Variants in TBC1D8 observed in about 807,000 individuals in gnomAD.
The protein encoded by TBC1D8 is TBC1 domain family member 8.
Under a neutral mutation model 118.8 loss-of-function variants are expected in TBC1D8, and 65 were observed. The ratio of observed to expected loss-of-function variants is 0.55; its 90% confidence interval spans 0.45 to 0.67. The LOEUF is 0.67. TBC1D8 is among the 30% of genes least tolerant of loss of function. TBC1D8 has a pLI of 0.00. For missense variants in TBC1D8, 1,376 were observed against 1,471.2 expected (o/e 0.94, Z 1.06); for synonymous variants, 566 against 595.8 (o/e 0.95, Z 0.73).
chr2:101,094,622 G>A (rs541089799), intron 1 of TBC1D8, among the ~76,000 whole-genome samples: 1 of 152,158 alleles, frequency 6.6e-6, no homozygotes, highest in Non-Finnish European at 1.5e-5. Flanking sequence ...TTTTTAACTG[G>A]AAAGAGTGGA....
intron 1 of TBC1D8, among the ~76,000 whole-genome samples, chr2:101,140,717 T>C (rs1471061658): frequency 8.5e-5 from 13 of 152,126 alleles, no homozygotes; most frequent in Admixed American, 8.5e-4. Flanking sequence ...GGATTATTTT[T>C]GTATCCACCT....
At chr2:101,061,863 G>A (rs888723109) in intron 2 of TBC1D8, among the ~76,000 whole-genome samples, 2 of 152,170 alleles carry the variant, frequency 1.3e-5, no homozygotes, top group African/African-American at 4.8e-5. Flanking sequence ...AATCAGGAAA[G>A]CTTATTTTAA....
intron 14 of TBC1D8, among the ~76,000 whole-genome samples, 184 bp downstream of exon 14, chr2:101,027,864 A>G (rs1401158605): frequency 2.0e-5 from 3 of 152,248 alleles, no homozygotes; most frequent in African/African-American, 7.2e-5. Flanking sequence ...AGTGTTGAGT[A>G]CACTCACCAC....
At chr2:101,038,742 G>A in intron 6 of TBC1D8, 87 bp from the exon 7 acceptor site, 1 of 1,430,714 alleles carries the variant, frequency 7.0e-7, no homozygotes, top group Non-Finnish European at 9.7e-7. Context: ...CGAAACAGAG[G>A]GCAAGGCACA....
rs751750245 is a variant in TBC1D8, at chr2:101,040,368, G to A, written c.890C>T (p.Ala297Val). ...GAAAGCCCGGAAGAACTCATTCTGT[G>A]CTCTGGCTTCCAGGTCCCTGGGGAA... The part of the protein sequence containing the change: ...QITKRDLEAR[A>V]QNEFFRAFFR... The change falls in exon 6 of 20, where the codon GCA becomes GTA. Residue 297 changes from alanine (A) to valine (V), a missense_variant. Coordinates refer to ENST00000409318, the MANE Select transcript of TBC1D8 (RefSeq NM_001330348.2). The A allele has an allele frequency of 1.6e-5, 25 of 1,600,986 alleles. No homozygotes were observed. The East Asian group carries it at 5.4e-4, about 35-fold the overall frequency.
intron 7 of TBC1D8, 99 bp downstream of exon 7, chr2:101,038,362 C>A (rs1399003787): frequency 1.5e-5 from 20 of 1,350,990 alleles, no homozygotes; most frequent in Non-Finnish European, 3.1e-6. Context: ...GCCCCGCATT[C>A]TTCTCATCCC....
intron 2 of TBC1D8, among the ~76,000 whole-genome samples, chr2:101,075,509 G>C (rs1250556753): frequency 6.6e-6 from 1 of 152,158 alleles, no homozygotes; most frequent in African/African-American, 2.4e-5. Flanking sequence ...TCAAGGGAGA[G>C]ACCAGGTGGA....
intron 1 of TBC1D8, among the ~76,000 whole-genome samples, chr2:101,096,441 A>AAC (rs1247413103): frequency 6.7e-6 from 1 of 150,056 alleles, no homozygotes; most frequent in Admixed American, 6.6e-5. Context: ...AAAAAAAAAA[A>AAC]AAAAAACTAT....
intron 5 of TBC1D8, among the ~76,000 whole-genome samples, chr2:101,046,909 C>T (rs922231428): frequency 6.6e-6 from 1 of 152,184 alleles, no homozygotes; most frequent in African/African-American, 2.4e-5. Flanking sequence ...CATCTTCAGC[C>T]AGTCAAAACA....
chr2:101,134,208 C>A (rs1203773492), intron 1 of TBC1D8, among the ~76,000 whole-genome samples: 3 of 89,844 alleles, frequency 3.3e-5, no homozygotes, highest in Non-Finnish European at 6.6e-5. Flanking sequence ...CACACACACA[C>A]ACACACACAC....
intron 14 of TBC1D8, among the ~76,000 whole-genome samples, 168 bp from the exon 15 acceptor site, chr2:101,027,619 C>A (rs1409485452): frequency 6.6e-6 from 1 of 152,180 alleles, no homozygotes; most frequent in African/African-American, 2.4e-5. Context: ...GTATCTTTCC[C>A]AGGTGTTTCA....
At chr2:101,123,726 G>A (rs1462915581) in intron 1 of TBC1D8, among the ~76,000 whole-genome samples, 8 of 152,128 alleles carry the variant, frequency 5.3e-5, no homozygotes, top group East Asian at 1.9e-4. Context: ...TCAGTTGTTC[G>A]CTTTGTTTTG....
At chr2:101,069,555 C>T (rs958497892) in intron 2 of TBC1D8, among the ~76,000 whole-genome samples, 2 of 152,132 alleles carry the variant, frequency 1.3e-5, no homozygotes, top group African/African-American at 2.4e-5. Context: ...CATTGCACTC[C>T]GGCCTGGGCA....
intron 1 of TBC1D8, among the ~76,000 whole-genome samples, chr2:101,133,308 C>T (rs1243023062): frequency 6.6e-6 from 1 of 152,060 alleles, no homozygotes; most frequent in Non-Finnish European, 1.5e-5. Flanking sequence ...CTGCCAAATG[C>T]TTCTGGGATC....
At chr2:101,049,489 G>C (rs558786369) in intron 5 of TBC1D8, among the ~76,000 whole-genome samples, 22 of 152,272 alleles carry the variant, frequency 1.4e-4, no homozygotes, top group African/African-American at 4.8e-4. Flanking sequence ...AGCACTTTGG[G>C]AGGCTGAGGC....
intron 4 of TBC1D8, among the ~76,000 whole-genome samples, chr2:101,051,947 T>G (rs1682100643): frequency 6.6e-6 from 1 of 152,250 alleles, no homozygotes; most frequent in South Asian, 2.1e-4. Context: ...CTAATGGTTT[T>G]CTTAAAGATC....
At chr2:101,116,093 A>T (rs1216362081) in intron 1 of TBC1D8, among the ~76,000 whole-genome samples, 6 of 152,184 alleles carry the variant, frequency 3.9e-5, no homozygotes, top group Non-Finnish European at 7.3e-5. Context: ...ATATAAGAAA[A>T]ATCTCCACCA....
At chr2:101,088,800 G>A (rs1249336225) in intron 2 of TBC1D8, among the ~76,000 whole-genome samples, 1 of 151,994 alleles carries the variant, frequency 6.6e-6, no homozygotes, top group Admixed American at 6.6e-5. Context: ...TTGAACTCCT[G>A]GCTTCCAGTG....
chr2:101,138,689 G>A (rs1237668037), intron 1 of TBC1D8, among the ~76,000 whole-genome samples: 1 of 152,206 alleles, frequency 6.6e-6, no homozygotes, highest in Non-Finnish European at 1.5e-5. Context: ...ACAGGGCGGG[G>A]TGTACTGGAG....
Sources: allele counts gnomAD v4.1 joint callset (sites outside exome capture counted in the v4.1 genomes callset), GRCh38; gene constraint gnomAD v4.1.1; transcripts MANE v1.5; gene names NCBI Gene and HGNC (gene_info 2026-07-23, HGNC 2026-07-21).